Variants in SLC60A1 observed in about 807,000 individuals in gnomAD.
SLC60A1 encodes the protein solute carrier family 60 member 1.
At chr1:205,583,906 A>G in the SLC60A1 span, 6 of 1,587,276 alleles carry the variant, frequency 3.8e-6, no homozygotes, top group Non-Finnish European at 4.3e-6. Context: ...AGGCGTGGGA[A>G]GGGGGAGCTT....
At chr1:205,588,469 CAAA>C in the SLC60A1 span, among the ~76,000 whole-genome samples, 5 of 84,762 alleles carry the variant, frequency 5.9e-5, no homozygotes, top group Admixed American at 1.5e-4. Flanking sequence ...GACTTCAAAT[CAAA>C]AAAAAAAAAA....
At chr1:205,580,609 C>T in the SLC60A1 span, 1,357 of 1,590,052 alleles carry the variant, frequency 8.5e-4, 1 homozygote, top group Non-Finnish European at 1.1e-3. The surrounding 1 kb of genome is among the most constrained non-coding windows in gnomAD (Gnocchi z 5.0). Flanking sequence ...ACCACTTCCC[C>T]GGGCTGAAGA....
chr1:205,599,005 T>A, the SLC60A1 span: 16 of 1,246,878 alleles, frequency 1.3e-5, no homozygotes, highest in South Asian at 2.3e-4. Context: ...CGTGATTCCA[T>A]CTCTTGGTGT....
the SLC60A1 span, chr1:205,586,064 G>T: frequency 6.2e-7 from 1 of 1,611,526 alleles, no homozygotes; most frequent in Non-Finnish European, 8.5e-7. Flanking sequence ...GTACAGCTAT[G>T]CTGTGGAGAA....
chr1:205,584,131 C>A, the SLC60A1 span: 1 of 1,611,592 alleles, frequency 6.2e-7, no homozygotes, highest in Non-Finnish European at 8.5e-7. Flanking sequence ...TAGGTAGGGG[C>A]TCTAATGAAT....
chr1:205,580,635 A>ACCCC, the SLC60A1 span: 1 of 852,428 alleles, frequency 1.2e-6, no homozygotes, highest in South Asian at 2.1e-5. This position sits in a 1 kb window ranked among gnomAD's most constrained non-coding sequence, Gnocchi z 5.0. Context: ...CCCCACCCCC[A>ACCCC]CCCGCCACCT....
At chr1:205,588,866 C>T in the SLC60A1 span, among the ~76,000 whole-genome samples, 282 of 152,130 alleles carry the variant, frequency 1.9e-3, 3 homozygotes, top group African/African-American at 6.4e-3. Flanking sequence ...AGCTTACGGC[C>T]GGCCAGAGGA....
the SLC60A1 span, chr1:205,600,468 G>A: frequency 3.2e-5 from 51 of 1,613,908 alleles, 1 homozygote; most frequent in Middle Eastern, 3.3e-4. Flanking sequence ...GTAAAACTGG[G>A]TGAAGAAGGC....
At chr1:205,598,767 AAAGAGT>A in the SLC60A1 span, 8,708 of 207,824 alleles carry the variant, frequency 0.042, 702 homozygotes, top group African/African-American at 0.18. Context: ...TCTCATAATA[AAAGAGT>A]AAAACAATAT....
the SLC60A1 span, among the ~76,000 whole-genome samples, chr1:205,589,049 C>T: frequency 5.3e-5 from 8 of 152,182 alleles, no homozygotes; most frequent in African/African-American, 1.2e-4. Context: ...AAATAAGACT[C>T]GGGTGTCTTT....
chr1:205,570,014 G>A, the SLC60A1 span, among the ~76,000 whole-genome samples: 5 of 151,142 alleles, frequency 3.3e-5, no homozygotes, highest in South Asian at 1.1e-3. Flanking sequence ...GCTTGGTAAG[G>A]TGACTCTCCA....
At chr1:205,602,054 A>G in the SLC60A1 span, 1 of 152,232 alleles carries the variant, frequency 6.6e-6, no homozygotes, top group Non-Finnish European at 1.5e-5. Context: ...GTAGTGATAC[A>G]AGGAGAATGT....
the SLC60A1 span, among the ~76,000 whole-genome samples, chr1:205,586,699 C>CTTT: frequency 7.0e-6 from 1 of 142,318 alleles, no homozygotes; most frequent in African/African-American, 2.6e-5. Context: ...CTAGGTGACT[C>CTTT]TTTTTTTTTT....
chr1:205,578,998 C>T, the SLC60A1 span, among the ~76,000 whole-genome samples: 1 of 152,196 alleles, frequency 6.6e-6, no homozygotes, highest in Admixed American at 6.5e-5. Context: ...TCCAATCATT[C>T]ATTCATTCAC....
chr1:205,596,047 A>C, the SLC60A1 span, among the ~76,000 whole-genome samples: 8 of 152,372 alleles, frequency 5.3e-5, no homozygotes, highest in African/African-American at 1.9e-4. Context: ...GAATGAGAGC[A>C]AAGGCACAGA....
At chr1:205,571,373 G>C in the SLC60A1 span, among the ~76,000 whole-genome samples, 1 of 152,198 alleles carries the variant, frequency 6.6e-6, no homozygotes, top group East Asian at 1.9e-4. Flanking sequence ...CTGCAGATCA[G>C]GCACAGGTTT....
At chr1:205,572,435 CCT>C in the SLC60A1 span, among the ~76,000 whole-genome samples, 1 of 152,102 alleles carries the variant, frequency 6.6e-6, no homozygotes, top group Non-Finnish European at 1.5e-5. Flanking sequence ...TTGAGTTCTT[CCT>C]CTCTTTGACC....
the SLC60A1 span, among the ~76,000 whole-genome samples, chr1:205,573,341 A>C: frequency 6.6e-6 from 1 of 151,996 alleles, no homozygotes; most frequent in Non-Finnish European, 1.5e-5. Context: ...AATCGCTTGA[A>C]CCAGGAGGCG....
chr1:205,579,746 T>G, the SLC60A1 span: 1 of 1,613,978 alleles, frequency 6.2e-7, no homozygotes, highest in African/African-American at 1.3e-5. Context: ...CCTTCCCTCC[T>G]GCAGCCTGGC....
Sources: allele counts gnomAD v4.1 joint callset (sites outside exome capture counted in the v4.1 genomes callset), GRCh38; gene constraint gnomAD v4.1.1; non-coding constraint Gnocchi (gnomAD v3.1); transcripts MANE v1.5; gene names NCBI Gene and HGNC (gene_info 2026-07-23, HGNC 2026-07-21).